MPP7: variants seen among roughly 807,000 people sequenced by gnomAD.
MPP7 encodes MAGUK p55 subfamily member 7.
In MPP7, 60 loss-of-function variants were observed where a neutral mutation model predicts 76.5. The observed-to-expected ratio is 0.78, with a 90% CI of 0.64 to 0.97. MPP7 has a LOEUF of 0.97. MPP7 is among the 50% of genes least tolerant of loss of function. The pLI is 0.00. For synonymous variants in MPP7, 237 were observed against 244.5 expected, an observed-to-expected ratio of 0.97 and a Z score of 0.29; for missense variants, 641 against 694.0, an observed-to-expected ratio of 0.92 and a Z score of 0.86.
intron 1 of MPP7, among the ~76,000 whole-genome samples, chr10:28,332,719 T>A (rs901620613): frequency 2.0e-5 from 3 of 152,160 alleles, no homozygotes; most frequent in Non-Finnish European, 4.4e-5. Context: ...TAGAGTGCAG[T>A]GGCACAATCA....
intron 12 of MPP7, among the ~76,000 whole-genome samples, chr10:28,084,961 C>T (rs1426007031): frequency 6.6e-6 from 1 of 152,200 alleles, no homozygotes; most frequent in African/African-American, 2.4e-5. Flanking sequence ...ACATTGGAAA[C>T]TCAAGTTGTA....
At chr10:28,165,070 G>C (rs1836400216) in intron 3 of MPP7, among the ~76,000 whole-genome samples, 1 of 151,978 alleles carries the variant, frequency 6.6e-6, no homozygotes, top group Non-Finnish European at 1.5e-5. Context: ...AATACCTATG[G>C]CTCCAAATGA....
At chr10:28,125,294 T>C (rs1429779485) in intron 6 of MPP7, among the ~76,000 whole-genome samples, 1 of 152,218 alleles carries the variant, frequency 6.6e-6, no homozygotes, top group African/African-American at 2.4e-5. Context: ...TCTATCTACA[T>C]AGCATCAAAG....
rs879057642 is a variant in MPP7 at position 28,149,979 on chromosome 10, T to C, written c.234+3A>G. On this transcript the variant is annotated splice_donor_region_variant and intron_variant, in intron 4 of 16. Transcript: ENST00000683449. ...CCCAGTGAGCTCGGAGAGTCACACT[T>C]ACATCATCGGCCAAGGCCGCCGCAC... The C allele has an allele frequency of 6.2e-7, 1 of 1,612,680 alleles. No homozygotes were observed. The highest frequency in any genetic ancestry group is 8.5e-7 in the Non-Finnish European group (1 of 1,179,482).
At chr10:28,297,428 G>A (rs1234671352) in intron 1 of MPP7, among the ~76,000 whole-genome samples, 1 of 152,196 alleles carries the variant, frequency 6.6e-6, no homozygotes, top group Non-Finnish European at 1.5e-5. Flanking sequence ...GCCGGGCGCT[G>A]TGGCTCACGC....
At chr10:28,225,569 T>C (rs752380942) in intron 2 of MPP7, among the ~76,000 whole-genome samples, 2 of 152,188 alleles carry the variant, frequency 1.3e-5, no homozygotes, top group Non-Finnish European at 2.9e-5. Flanking sequence ...AACTGCACAG[T>C]GTCATTAGTC....
chr10:28,150,014 T>G lies in MPP7; in HGVS notation c.202A>C (p.Ile68Leu), dbSNP rs1208527567. The change falls in exon 4 of 17, where the codon ATT becomes CTT. Residue 68 changes from isoleucine (I) to leucine (L), a missense_variant. Transcript: ENST00000683449. Reference protein sequence around the residue: ...HYYEKQSPVPILHGAAALADD... With the variant: ...HYYEKQSPVPLLHGAAALADD... ...GCCAAGGCCGCCGCACCATGGAGAA[T>G]GGGCACCGGACTCTGCTTCTCATAG... The G allele has an allele frequency of 1.2e-6, 2 of 1,613,662 alleles. No homozygotes were observed. Among genetic ancestry groups the G allele is most frequent in the African/African-American group, 1.3e-5 (1 of 75,046 alleles).
At chr10:28,127,610 G>A (rs951974094) in intron 6 of MPP7, among the ~76,000 whole-genome samples, 3 of 152,190 alleles carry the variant, frequency 2.0e-5, no homozygotes, top group Non-Finnish European at 4.4e-5. Context: ...CAGATCTCGT[G>A]AGACTTATTC....
intron 2 of MPP7, among the ~76,000 whole-genome samples, chr10:28,220,397 G>T (rs139459434): frequency 1.3e-5 from 2 of 151,638 alleles, no homozygotes; most frequent in Non-Finnish European, 2.9e-5. Flanking sequence ...TTACATTTAC[G>T]TTACATTAAA....
chr10:28,109,865 A>ACAAAACAAAACAAAAC (rs1564634826), intron 11 of MPP7, among the ~76,000 whole-genome samples: 1 of 149,258 alleles, frequency 6.7e-6, no homozygotes, highest in East Asian at 2.0e-4. Context: ...AAAAAAAAAA[A>ACAAAACAAAACAAAAC]AAAAAAAACA....
intron 13 of MPP7, among the ~76,000 whole-genome samples, chr10:28,060,484 C>T (rs1261342914): frequency 6.6e-6 from 1 of 152,188 alleles, no homozygotes; most frequent in Non-Finnish European, 1.5e-5. Flanking sequence ...TGCCAAGAAA[C>T]TACCCGAACA....
chr10:28,083,527 TTCC>T (rs1315377378), intron 12 of MPP7, among the ~76,000 whole-genome samples: 1 of 141,478 alleles, frequency 7.1e-6, no homozygotes, highest in East Asian at 2.1e-4. Flanking sequence ...CATGATTTTC[TTCC>T]TCTTTTTTTT....
At chr10:28,221,707 G>C (rs758262351) in intron 2 of MPP7, among the ~76,000 whole-genome samples, 5 of 152,092 alleles carry the variant, frequency 3.3e-5, no homozygotes, top group Non-Finnish European at 5.9e-5. Flanking sequence ...AATTTGTCAA[G>C]AAGAAACAAA....
At chr10:28,122,941 A>G (rs529713078) in intron 8 of MPP7, among the ~76,000 whole-genome samples, 1 of 152,012 alleles carries the variant, frequency 6.6e-6, no homozygotes, top group Non-Finnish European at 1.5e-5. Flanking sequence ...TAGAAATTGT[A>G]TATTACCTTT....
At chr10:28,268,112 G>GT (rs1840204174) in intron 1 of MPP7, among the ~76,000 whole-genome samples, 2 of 152,166 alleles carry the variant, frequency 1.3e-5, no homozygotes, top group South Asian at 4.1e-4. Flanking sequence ...AATAACAAAT[G>GT]TGAGTAGAGA....
chr10:28,119,576 C>T, intron 11 of MPP7, 75 bp downstream of exon 11: 1 of 1,225,756 alleles, frequency 8.2e-7, no homozygotes. Context: ...CTTTGTTCTG[C>T]CATGAGCACC....
rs565086360 is a variant in MPP7, at chr10:28,072,272, T to A, written c.1124-2420A>T. Among the ~76,000 whole-genome samples the A allele has an allele frequency of 2.0e-4, 30 of 152,168 alleles. 1 individual carries two copies. Among genetic ancestry groups the A allele is most frequent in the Admixed American group, 1.6e-3 (24 of 15,278 alleles). On this transcript the variant is annotated intron_variant, in intron 12 of 16. Transcript: ENST00000683449. ...TTGGGCGACAGAGCGAGACTCTGTC[T>A]CAAAAATAAAATAAAATAAAGAATA... is the stretch of plus-strand genomic sequence containing the variant.
At chr10:28,094,452 C>T (rs928146478) in intron 11 of MPP7, among the ~76,000 whole-genome samples, 23 of 152,260 alleles carry the variant, frequency 1.5e-4, no homozygotes, top group African/African-American at 5.3e-4. Flanking sequence ...TAGTAGCTGC[C>T]TCACAAGGTG....
intron 11 of MPP7, among the ~76,000 whole-genome samples, chr10:28,112,716 AGAGTTGGGATAGTCACAT>A (rs1834542666): frequency 6.6e-6 from 1 of 152,220 alleles, no homozygotes; most frequent in African/African-American, 2.4e-5. Context: ...ATCTCAGAAG[AGAGTTGGGATAGTCACAT>A]GATTATTACT....
Sources: gnomAD v4.1 joint callset for allele counts (sites outside exome capture counted in the v4.1 genomes callset) on GRCh38, gnomAD v4.1.1 for gene constraint, MANE v1.5 for transcripts, NCBI Gene and HGNC (gene_info 2026-07-23, HGNC 2026-07-21) for gene names.